Variants in STK3 observed in about 807,000 individuals in gnomAD.
STK3 encodes the protein serine/threonine kinase 3.
Under a neutral mutation model 58.0 loss-of-function variants are expected in STK3, and 41 were observed. That is an observed-to-expected ratio of 0.71 (90% CI 0.55 to 0.92). The LOEUF (loss-of-function observed/expected upper bound fraction) is 0.92, where lower values mean the gene tolerates loss of function less well. Among genes scored for constraint, STK3 ranks in the 40% least tolerant of loss-of-function variants. The probability of loss-of-function intolerance (pLI) is 0.00; values close to 1 mark genes in which losing one functional copy is unlikely to be tolerated. For synonymous variants in STK3, 170 were observed against 191.0 expected (o/e 0.89, Z 0.91); for missense variants, 479 against 602.7 (o/e 0.79, Z 2.15).
At chr8:98,813,827 AAT>A (rs1344607147) in intron 1 of STK3, among the ~76,000 whole-genome samples, 3 of 152,230 alleles carry the variant, frequency 2.0e-5, no homozygotes, top group Non-Finnish European at 4.4e-5. Flanking sequence ...AAATTCAGAA[AAT>A]ATAGACAAAT....
intron 9 of STK3, among the ~76,000 whole-genome samples, chr8:98,534,035 G>A (rs1809559371): frequency 6.6e-6 from 1 of 152,210 alleles, no homozygotes; most frequent in African/African-American, 2.4e-5. Flanking sequence ...TGCTGATAAT[G>A]TATTTGAGAA....
intron 3 of STK3, among the ~76,000 whole-genome samples, chr8:98,867,455 A>G (rs1444533027): frequency 6.6e-6 from 1 of 152,066 alleles, no homozygotes; most frequent in African/African-American, 2.4e-5. Context: ...GAGGCTTGGG[A>G]TGTTTATCTA....
intron 4 of STK3, among the ~76,000 whole-genome samples, chr8:98,738,975 A>G (rs1474715704): frequency 6.6e-6 from 1 of 152,232 alleles, no homozygotes; most frequent in East Asian, 1.9e-4. Context: ...ACGCCCAAGG[A>G]GTCTCACTGA....
chr8:98,579,923 T>A, intron 7 of STK3, 134 bp from the exon 8 acceptor site: 1 of 847,452 alleles, frequency 1.2e-6, no homozygotes, highest in Non-Finnish European at 1.7e-6. Context: ...GAATTAAATG[T>A]ATAGGTTAAG....
chr8:98,460,635 T>C (rs1432929870), intron 10 of STK3, among the ~76,000 whole-genome samples: 1 of 152,168 alleles, frequency 6.6e-6, no homozygotes, highest in Non-Finnish European at 1.5e-5. Context: ...CCCATGTGTC[T>C]AGAGAGAGAC....
intron 2 of STK3, among the ~76,000 whole-genome samples, chr8:98,772,541 A>T (rs538899339): frequency 2.0e-4 from 30 of 152,238 alleles, no homozygotes; most frequent in African/African-American, 7.2e-4. Flanking sequence ...TCTACTAAAA[A>T]TATGAAAATT....
At chr8:98,393,824 G>T (rs535028527) in intron 3 of STK3, 1 of 152,204 alleles carries the variant, frequency 6.6e-6, no homozygotes, top group Admixed American at 6.5e-5. Context: ...GCTGGCCACA[G>T]ATACAAGAGG....
chr8:98,916,276 T>C (rs1839345508), intron 1 of STK3, among the ~76,000 whole-genome samples: 1 of 152,126 alleles, frequency 6.6e-6, no homozygotes, highest in South Asian at 2.1e-4. Flanking sequence ...TAGCTGGGTG[T>C]GGTGGCAGGC....
intron 9 of STK3, among the ~76,000 whole-genome samples, chr8:98,541,446 G>A (rs1777413565): frequency 6.6e-6 from 1 of 152,086 alleles, no homozygotes; most frequent in South Asian, 2.1e-4. Flanking sequence ...CAGGTTTCCT[G>A]AGGCCTCCCT....
intron 3 of STK3, among the ~76,000 whole-genome samples, chr8:98,856,626 C>T (rs1587756431): frequency 6.6e-6 from 1 of 152,274 alleles, no homozygotes; most frequent in Non-Finnish European, 1.5e-5. Flanking sequence ...ATGGCACAAC[C>T]ACTTTGGAAG....
intron 7 of STK3, among the ~76,000 whole-genome samples, chr8:98,586,993 T>C (rs1228754339): frequency 1.2e-3 from 166 of 138,018 alleles, no homozygotes; most frequent in South Asian, 2.1e-3. Context: ...TCTCTTTTTT[T>C]CTTTATTAGT....
At chr8:98,749,531 A>C in intron 3 of STK3, 141 bp from the exon 4 acceptor site, 2 of 454,658 alleles carry the variant, frequency 4.4e-6, no homozygotes, top group East Asian at 3.2e-5. Context: ...TCAAATTCTC[A>C]ATATCTGGAG....
downstream of STK3, chr8:98,879,175 A>G (rs953701754): frequency 6.6e-6 from 1 of 152,218 alleles, no homozygotes; most frequent in East Asian, 1.9e-4. Context: ...ATCCTCCTGT[A>G]TACTTTAAAT....
intron 6 of STK3, among the ~76,000 whole-genome samples, chr8:98,687,186 G>A (rs1824062240): frequency 6.6e-6 from 1 of 152,182 alleles, no homozygotes; most frequent in Non-Finnish European, 1.5e-5. Flanking sequence ...AGAGAAAAGT[G>A]TCATATGACC....
intron 6 of STK3, among the ~76,000 whole-genome samples, chr8:98,650,702 C>T (rs565677308): frequency 4.6e-5 from 7 of 152,316 alleles, no homozygotes; most frequent in Non-Finnish European, 8.8e-5. Context: ...GCCCATGGCT[C>T]GGAGGGTCCT....
At chr8:98,416,871 T>C (rs1043709720) in intron 3 of STK3, among the ~76,000 whole-genome samples, 1 of 152,206 alleles carries the variant, frequency 6.6e-6, no homozygotes, top group Admixed American at 6.5e-5. Context: ...GTTTCTCTGA[T>C]GGGATTGCTT....
At chr8:98,766,651 T>C (rs1830969438) in intron 3 of STK3, among the ~76,000 whole-genome samples, 1 of 152,128 alleles carries the variant, frequency 6.6e-6, no homozygotes. Flanking sequence ...CCTGGGCTCC[T>C]TTACCCTCGA....
intron 3 of STK3, among the ~76,000 whole-genome samples, chr8:98,859,526 C>A (rs1340971996): frequency 6.6e-6 from 1 of 152,170 alleles, no homozygotes; most frequent in Non-Finnish European, 1.5e-5. Context: ...TTTAAAGATA[C>A]CCCAATGATC....
intron 1 of STK3, chr8:98,942,285 C>G (rs866990836): frequency 1.3e-5 from 2 of 152,334 alleles, no homozygotes; most frequent in Admixed American, 6.5e-5. Flanking sequence ...CGGCGCGCAC[C>G]TGCCCATCGA....
Sources: gnomAD v4.1 joint callset for allele counts (sites outside exome capture counted in the v4.1 genomes callset) on GRCh38, gnomAD v4.1.1 for gene constraint, MANE v1.5 for transcripts, NCBI Gene and HGNC (gene_info 2026-07-23, HGNC 2026-07-21) for gene names.